The following SH3RF1 variants were observed in gnomAD, a reference collection of about 807,000 sequenced individuals.
SH3RF1 encodes the protein SH3 domain containing ring finger 1, also known as E3 ubiquitin-protein ligase SH3RF1.
SH3RF1 carries 32 observed loss-of-function variants against 74.0 expected under a neutral mutation model. That is an observed-to-expected ratio of 0.43 (90% confidence interval 0.33 to 0.58). The LOEUF (loss-of-function observed/expected upper bound fraction) is 0.58. Ranked by LOEUF, SH3RF1 falls within the 20% of genes least tolerant of loss-of-function variation. The pLI, the probability that SH3RF1 is intolerant of heterozygous loss-of-function variation, is 0.05. For missense variants in SH3RF1, 954 were observed against 1,130.9 expected (o/e 0.84, Z 2.24); for synonymous variants, 396 against 439.6 (o/e 0.90, Z 1.24).
chr4:169,270,293 G>A (rs1461857413), intron 1 of SH3RF1, among the ~76,000 whole-genome samples: 1 of 152,014 alleles, frequency 6.6e-6, no homozygotes, highest in African/African-American at 2.4e-5. Flanking sequence ...CGCGGCGGCC[G>A]CTCGCCGCAG....
chr4:169,124,971 G>A (rs1733500602), intron 6 of SH3RF1, among the ~76,000 whole-genome samples: 1 of 150,770 alleles, frequency 6.6e-6, no homozygotes, highest in South Asian at 2.1e-4. Context: ...GGCACCAGAG[G>A]CCAAGTATAC....
chr4:169,188,791 T>A (rs1734652573), intron 2 of SH3RF1, among the ~76,000 whole-genome samples: 1 of 152,204 alleles, frequency 6.6e-6, no homozygotes, highest in Non-Finnish European at 1.5e-5. Context: ...TCTTCCATAC[T>A]CCCTCTATCA....
At chr4:169,111,639 C>T (rs1484270723) in intron 10 of SH3RF1, among the ~76,000 whole-genome samples, 1 of 151,996 alleles carries the variant, frequency 6.6e-6, no homozygotes, top group African/African-American at 2.4e-5. Flanking sequence ...GATTTGGAGA[C>T]ACATTTTCCT....
rs1734574441 is a variant in SH3RF1 at position 169,184,608 on chromosome 4, T to C, written c.394-27929A>G. 2.6e-5 allele frequency among the ~76,000 whole-genome samples: 4 copies of C among 152,160 alleles called. No homozygotes were observed. The South Asian group carries it at 8.3e-4, about 32-fold the overall frequency. The stretch of plus-strand genomic sequence containing the variant: ...AAATTCAATCCACGGAGACCACTAA[T>C]TAACTATGAGCCACTAAAAAGGAGA... On this transcript the variant is annotated intron_variant, in intron 2 of 11. Transcript: ENST00000284637.
intron 8 of SH3RF1, among the ~76,000 whole-genome samples, chr4:169,118,738 T>A (rs1733386188): frequency 6.6e-6 from 1 of 152,216 alleles, no homozygotes; most frequent in Admixed American, 6.5e-5. Context: ...ATTACAGGTT[T>A]GAGCCAACGC....
intron 2 of SH3RF1, among the ~76,000 whole-genome samples, chr4:169,245,029 C>T (rs1353141065): frequency 6.6e-6 from 1 of 152,122 alleles, no homozygotes; most frequent in Non-Finnish European, 1.5e-5. Context: ...GATATTCCAT[C>T]TTAATGATAG....
At chr4:169,212,125 C>T (rs544271340) in intron 2 of SH3RF1, among the ~76,000 whole-genome samples, 7 of 126,938 alleles carry the variant, frequency 5.5e-5, no homozygotes, top group Non-Finnish European at 1.1e-4. Flanking sequence ...AGTGCAATGG[C>T]ACGATATCAG....
chr4:169,239,884 C>T (rs761951396), intron 2 of SH3RF1, among the ~76,000 whole-genome samples: 1 of 151,864 alleles, frequency 6.6e-6, no homozygotes, highest in Non-Finnish European at 1.5e-5. Flanking sequence ...ATAAGCCGGG[C>T]GTGGTGGTGT....
intron 5 of SH3RF1, among the ~76,000 whole-genome samples, chr4:169,134,208 T>C (rs1579099448): frequency 6.6e-6 from 1 of 152,264 alleles, no homozygotes; most frequent in East Asian, 1.9e-4. Context: ...AACTGGAATA[T>C]GGAAGGAGGG....
intron 2 of SH3RF1, among the ~76,000 whole-genome samples, chr4:169,173,996 G>A (rs1454641592): frequency 1.1e-5 from 1 of 91,968 alleles, no homozygotes; most frequent in Admixed American, 1.6e-4. Flanking sequence ...GTAATTTCCT[G>A]AGTTATATAT....
intron 2 of SH3RF1, among the ~76,000 whole-genome samples, chr4:169,223,145 A>G (rs919162364): frequency 3.3e-5 from 5 of 152,320 alleles, no homozygotes; most frequent in Non-Finnish European, 7.3e-5. Flanking sequence ...AGGAAGATAT[A>G]AAAGAACATC....
intron 2 of SH3RF1, among the ~76,000 whole-genome samples, chr4:169,177,787 C>A (rs897178281): frequency 6.6e-6 from 1 of 151,910 alleles, no homozygotes; most frequent in Non-Finnish European, 1.5e-5. Flanking sequence ...GAGGAAAGAT[C>A]TTATATGTAG....
At chr4:169,139,988 C>T (rs774356695) in intron 4 of SH3RF1, among the ~76,000 whole-genome samples, 44 of 152,284 alleles carry the variant, frequency 2.9e-4, no homozygotes, top group Non-Finnish European at 4.6e-4. Context: ...AATAGCCTAG[C>T]ATATTTTTTC....
intron 4 of SH3RF1, among the ~76,000 whole-genome samples, chr4:169,146,393 C>T (rs1160497425): frequency 6.6e-6 from 1 of 151,564 alleles, no homozygotes; most frequent in African/African-American, 2.4e-5. Context: ...CCACGCCCAG[C>T]TTATTTTTGT....
chr4:169,244,791 C>T (rs1365549695), intron 2 of SH3RF1, among the ~76,000 whole-genome samples: 4 of 152,028 alleles, frequency 2.6e-5, no homozygotes, highest in Admixed American at 1.3e-4. Flanking sequence ...TGTTTTTTGC[C>T]GTTGTTATAA....
intron 2 of SH3RF1, among the ~76,000 whole-genome samples, chr4:169,174,392 G>C (rs539733902): frequency 6.6e-6 from 1 of 152,184 alleles, no homozygotes; most frequent in Admixed American, 6.5e-5. Flanking sequence ...CTTTAATGAG[G>C]GCACGAATCA....
At chr4:169,101,399 T>C (rs1448826613) in intron 11 of SH3RF1, among the ~76,000 whole-genome samples, 1 of 152,136 alleles carries the variant, frequency 6.6e-6, no homozygotes, top group African/African-American at 2.4e-5. Context: ...ACTTATGAGA[T>C]GCCCAGAAGT....
chr4:169,167,033 C>A lies in SH3RF1; in HGVS notation c.394-10354G>T. ...TGTGGACTCAAATTTTAACAAAAATCAAAGCCATTCCTCAGCTCCAGGGCT... is the reference window on the plus strand; with the variant it reads ...TGTGGACTCAAATTTTAACAAAAATAAAAGCCATTCCTCAGCTCCAGGGCT... On this transcript the variant is annotated intron_variant, in intron 2 of 11. Transcript: ENST00000284637. The A allele has an allele frequency of 1.9e-5, 4 of 212,398 alleles. No individual in the cohort carries two copies. The South Asian group carries it at 3.4e-4, about 18-fold the overall frequency. The allele number at this position is 212,398 out of a possible 1,614,324, so 13.2% of individuals were successfully genotyped here.
chr4:169,154,228 A>C (rs998476819), intron 4 of SH3RF1, among the ~76,000 whole-genome samples: 1 of 152,182 alleles, frequency 6.6e-6, no homozygotes, highest in African/African-American at 2.4e-5. Flanking sequence ...GAGGAAAAAA[A>C]TATTTCAATA....
Sources: allele counts gnomAD v4.1 joint callset (sites outside exome capture counted in the v4.1 genomes callset), GRCh38; gene constraint gnomAD v4.1.1; transcripts MANE v1.5; gene names NCBI Gene and HGNC (gene_info 2026-07-23, HGNC 2026-07-21).